ASPH: variants seen among roughly 807,000 people sequenced by gnomAD.
ASPH encodes the protein aspartate beta-hydroxylase.
Under a neutral mutation model 118.4 loss-of-function variants are expected in ASPH, and 100 were observed. The ratio of observed to expected loss-of-function variants is 0.84; its 90% CI spans 0.72 to 1.00. The LOEUF is 1.00. Among genes scored for constraint, ASPH ranks in the 50% least tolerant of loss-of-function variants. The pLI is 0.00. For synonymous variants in ASPH, 315 were observed against 325.6 expected, an observed-to-expected ratio of 0.97 and a Z score of 0.35; for missense variants, 920 against 919.5, an observed-to-expected ratio of 1.00 and a Z score of -0.01.
intron 24 of ASPH, among the ~76,000 whole-genome samples, chr8:61,508,714 A>C (rs531752036): frequency 1.5e-4 from 23 of 152,236 alleles, no homozygotes; most frequent in Non-Finnish European, 2.9e-4. Flanking sequence ...CAGAAGCAGA[A>C]AGTCATTACA....
chr8:61,669,946 T>G (rs1347876990), intron 3 of ASPH, among the ~76,000 whole-genome samples: 1 of 152,202 alleles, frequency 6.6e-6, no homozygotes, highest in Non-Finnish European at 1.5e-5. Flanking sequence ...ATTTTAAACT[T>G]TTTTGGTTTG....
intron 13 of ASPH, among the ~76,000 whole-genome samples, chr8:61,621,743 A>G (rs1851003062): frequency 6.6e-6 from 1 of 152,270 alleles, no homozygotes. Flanking sequence ...ACTATATTCC[A>G]TAAAATACTA....
intron 10 of ASPH, among the ~76,000 whole-genome samples, chr8:61,640,683 A>G (rs1180530157): frequency 6.6e-6 from 1 of 152,216 alleles, no homozygotes; most frequent in Non-Finnish European, 1.5e-5. Flanking sequence ...TATAAGATCC[A>G]TGAGAACAGG....
intron 13 of ASPH, among the ~76,000 whole-genome samples, chr8:61,632,200 T>C (rs1855904976): frequency 6.6e-6 from 1 of 152,150 alleles, no homozygotes; most frequent in Non-Finnish European, 1.5e-5. Context: ...CTCAGAAACT[T>C]GGTGTTTCAT....
chr8:61,555,959 G>C lies in ASPH; in HGVS notation c.1501C>G (p.Gln501Glu), dbSNP rs781673885. ...KVHYGFILKA[Q>E]NKIAESIPYL... ...GGGATGCTCTCAGCAATTTTGTTCT[G>C]TGCCTTCAGGATGAAGCCATAATGG... The change falls in exon 19 of 25, where the codon CAG becomes GAG. Residue 501 changes from glutamine (Q) to glutamate (E), a missense_variant. Coordinates refer to ENST00000379454, the MANE Select transcript of ASPH (RefSeq NM_004318.4). The C allele has an allele frequency of 1.2e-6, 2 of 1,614,018 alleles. No homozygotes were observed. The highest frequency in any genetic ancestry group is 1.7e-5 in the Admixed American group (1 of 60,024).
At chr8:61,570,065 C>A (rs542271527) in intron 16 of ASPH, among the ~76,000 whole-genome samples, 1 of 152,148 alleles carries the variant, frequency 6.6e-6, no homozygotes, top group African/African-American at 2.4e-5. Context: ...CGGGTTTACA[C>A]CTCATGGTAA....
chr8:61,613,657 T>A (rs1420522554), intron 14 of ASPH, among the ~76,000 whole-genome samples: 1 of 152,178 alleles, frequency 6.6e-6, no homozygotes, highest in African/African-American at 2.4e-5. Flanking sequence ...GAAGGCTTCC[T>A]GAAAGACAGA....
At chr8:61,564,297 C>CTTTTTTTT (rs1176381658) in intron 17 of ASPH, among the ~76,000 whole-genome samples, 1 of 134,038 alleles carries the variant, frequency 7.5e-6, no homozygotes, top group Non-Finnish European at 1.6e-5. Context: ...AATGCTGATT[C>CTTTTTTTT]TTTTTTTTTT....
intron 24 of ASPH, among the ~76,000 whole-genome samples, chr8:61,511,562 CCT>C (rs1410620851): frequency 1.3e-5 from 2 of 152,140 alleles, no homozygotes; most frequent in Non-Finnish European, 2.9e-5. Context: ...ATGTTTATCC[CCT>C]GACTCAGGTT....
chr8:61,665,477 G>T (rs1819102560), intron 3 of ASPH: 2 of 1,569,118 alleles, frequency 1.3e-6, no homozygotes, highest in African/African-American at 1.4e-5. Flanking sequence ...GGATAGGTCT[G>T]CATCAGCAAT....
At chr8:61,560,447 T>C (rs1234260296) in intron 18 of ASPH, among the ~76,000 whole-genome samples, 1 of 152,178 alleles carries the variant, frequency 6.6e-6, no homozygotes, top group Non-Finnish European at 1.5e-5. Context: ...AAATATAAAA[T>C]TACAATGTCT....
At chr8:61,704,933 A>G (rs1836225117) in intron 1 of ASPH, among the ~76,000 whole-genome samples, 1 of 152,222 alleles carries the variant, frequency 6.6e-6, no homozygotes, top group Admixed American at 6.5e-5. Flanking sequence ...TAATAAAACT[A>G]AACATACACC....
intron 24 of ASPH, among the ~76,000 whole-genome samples, chr8:61,508,108 A>G (rs912692218): frequency 6.6e-6 from 1 of 152,026 alleles, no homozygotes; most frequent in African/African-American, 2.4e-5. Context: ...TCCGCCTCCC[A>G]GGCTCAGGTG....
At chr8:61,523,662 A>C (rs1383136747) in intron 22 of ASPH, among the ~76,000 whole-genome samples, 1 of 150,624 alleles carries the variant, frequency 6.6e-6, no homozygotes, top group East Asian at 1.9e-4. Flanking sequence ...GAAAATAGTT[A>C]CTGGATTCCC....
intron 16 of ASPH, among the ~76,000 whole-genome samples, chr8:61,569,750 G>C (rs758237802): frequency 5.3e-5 from 8 of 152,214 alleles, no homozygotes; most frequent in Non-Finnish European, 1.0e-4. Flanking sequence ...ATTCACCCTT[G>C]CTAAATGGAG....
chr8:61,601,342 A>C (rs1587923930), intron 14 of ASPH, among the ~76,000 whole-genome samples: 1 of 151,234 alleles, frequency 6.6e-6, no homozygotes, highest in African/African-American at 2.5e-5. Context: ...GGAGCTCAAG[A>C]CCAGCCTGGC....
At chr8:61,592,414 A>G (rs2133048667) in intron 14 of ASPH, among the ~76,000 whole-genome samples, 1 of 152,326 alleles carries the variant, frequency 6.6e-6, no homozygotes, top group African/African-American at 2.4e-5. Context: ...ACTTTATCAC[A>G]CTATACCTGC....
intron 13 of ASPH, 56 bp from the exon 14 acceptor site, chr8:61,619,075 C>A: frequency 2.4e-6 from 3 of 1,229,652 alleles, no homozygotes; most frequent in East Asian, 2.4e-5. Flanking sequence ...TTCAGTATCT[C>A]AAAATATAGG....
intron 3 of ASPH, among the ~76,000 whole-genome samples, chr8:61,669,237 A>T (rs1233728331): frequency 6.6e-6 from 1 of 152,238 alleles, no homozygotes; most frequent in Admixed American, 6.5e-5. Context: ...TTTCAGTATT[A>T]GATGTCTGTT....
Sources: allele counts gnomAD v4.1 joint callset (sites outside exome capture counted in the v4.1 genomes callset), GRCh38; gene constraint gnomAD v4.1.1; transcripts MANE v1.5; gene names NCBI Gene and HGNC (gene_info 2026-07-23, HGNC 2026-07-21).